Variants in GLRA3 observed in about 807,000 individuals in gnomAD.
GLRA3 encodes the protein glycine receptor alpha 3.
A neutral mutation model predicts 60.4 loss-of-function variants in GLRA3; 44 were observed. That is an observed-to-expected ratio of 0.73 (90% CI 0.57 to 0.94). The LOEUF (loss-of-function observed/expected upper bound fraction) is 0.94, where lower values mean the gene tolerates loss of function less well. Ranked by LOEUF, GLRA3 falls within the 40% of genes least tolerant of loss-of-function variation. GLRA3 has a pLI of 0.00. For synonymous variants in GLRA3, 223 were observed against 192.9 expected, an observed-to-expected ratio of 1.16 and a Z score of -1.29; for missense variants, 508 against 564.6, an observed-to-expected ratio of 0.90 and a Z score of 1.02.
intron 5 of GLRA3, among the ~76,000 whole-genome samples, chr4:174,692,313 G>A (rs1243149338): frequency 6.8e-6 from 1 of 146,470 alleles, no homozygotes; most frequent in Non-Finnish European, 1.5e-5. Context: ...CTGGGAGGGA[G>A]GTGGGGGGGT....
At chr4:174,705,093 T>C (rs1735465897) in intron 5 of GLRA3, among the ~76,000 whole-genome samples, 1 of 144,386 alleles carries the variant, frequency 6.9e-6, no homozygotes, top group Non-Finnish European at 1.5e-5. Context: ...TGTATATTGT[T>C]ATACTTTGAA....
chr4:174,684,652 A>T (rs1249889343), intron 5 of GLRA3, among the ~76,000 whole-genome samples: 1 of 152,210 alleles, frequency 6.6e-6, no homozygotes, highest in East Asian at 1.9e-4. Flanking sequence ...CTTGATGCAC[A>T]ATTACCATGG....
At chr4:174,754,251 C>A (rs1737600065) in intron 3 of GLRA3, among the ~76,000 whole-genome samples, 1 of 152,056 alleles carries the variant, frequency 6.6e-6, no homozygotes, top group East Asian at 1.9e-4. Context: ...GCATACTTAT[C>A]TTTTGCAAGC....
intron 5 of GLRA3, 75 bp from the exon 6 acceptor site, chr4:174,683,014 G>T: frequency 1.7e-6 from 2 of 1,195,460 alleles, no homozygotes; most frequent in Non-Finnish European, 2.5e-6. Context: ...TTACTTTATA[G>T]TCACATAGGA....
intron 3 of GLRA3, among the ~76,000 whole-genome samples, chr4:174,741,198 T>C (rs1166035703): frequency 6.6e-6 from 1 of 152,214 alleles, no homozygotes; most frequent in Non-Finnish European, 1.5e-5. Context: ...CCGTCAATTA[T>C]ATATGAGAGT....
chr4:174,769,126 A>G (rs1227638432), intron 2 of GLRA3, among the ~76,000 whole-genome samples: 1 of 152,002 alleles, frequency 6.6e-6, no homozygotes, highest in Non-Finnish European at 1.5e-5. Context: ...TTTAATCATC[A>G]ATTCTTCGGA....
intron 2 of GLRA3, among the ~76,000 whole-genome samples, chr4:174,771,050 G>T (rs1223171525): frequency 4.3e-5 from 6 of 140,420 alleles, no homozygotes; most frequent in Non-Finnish European, 9.1e-5. Context: ...CATGGACACA[G>T]GAAAGAGAAC....
rs939265695 is a variant in GLRA3, at chr4:174,639,342, A to G, written c.*4444T>C. The G allele has an allele frequency of 6.6e-6, 1 of 150,796 alleles. No homozygotes were observed. The highest frequency in any genetic ancestry group is 2.4e-5 in the African/African-American group (1 of 40,956). 9.3% of individuals were successfully genotyped at this position (150,796 alleles called of 1,614,324 possible). A position where few individuals can be genotyped will look rare whatever the true frequency, so the allele number is the denominator to read the frequency against. ...TTGACTGTCTTTGTATTTTTAATCT[A>G]AAGGAATTCATCTCATTACCAATAT... On this transcript the variant is annotated 3_prime_UTR_variant, in exon 10 of 10. Transcript: ENST00000274093.
chr4:174,793,306 T>C (rs1255870160), intron 1 of GLRA3, among the ~76,000 whole-genome samples: 2 of 152,056 alleles, frequency 1.3e-5, no homozygotes, highest in Non-Finnish European at 2.9e-5. Flanking sequence ...GCTCTTCCAT[T>C]GCTCTCTTTG....
At chr4:174,813,548 T>G (rs1740355915) in intron 1 of GLRA3, among the ~76,000 whole-genome samples, 8 of 152,220 alleles carry the variant, frequency 5.3e-5, no homozygotes, top group Admixed American at 5.2e-4. Context: ...CAGCCTACAC[T>G]GGTCTGTTTC....
rs1732628057 is a variant in GLRA3, at chr4:174,641,680, A to C, written c.*2106T>G. On this transcript the variant is annotated 3_prime_UTR_variant, in exon 10 of 10. Transcript: ENST00000274093. ...TTATAATATTCTCAAATATGGAAAGAAGTGATGTCTGTGAATTTCTTTTGG... is the reference window on the plus strand; with the variant it reads ...TTATAATATTCTCAAATATGGAAAGCAGTGATGTCTGTGAATTTCTTTTGG... 6.6e-6 allele frequency: 1 copy of C among 152,072 alleles called. No homozygotes were observed. The highest frequency in any genetic ancestry group is 2.1e-4 in the South Asian group (1 of 4,834). 9.4% of individuals were successfully genotyped at this position (152,072 alleles called of 1,614,324 possible). A position where few individuals can be genotyped will look rare whatever the true frequency, so the allele number is the denominator to read the frequency against.
chr4:174,789,092 A>T, intron 1 of GLRA3, 149 bp from the exon 2 acceptor site: 1 of 497,408 alleles, frequency 2.0e-6, no homozygotes, highest in Non-Finnish European at 3.5e-6. Context: ...TTATAATAAG[A>T]TAGACATTTA....
chr4:174,816,408 A>G (rs1180189467), intron 1 of GLRA3, among the ~76,000 whole-genome samples: 1 of 152,092 alleles, frequency 6.6e-6, no homozygotes, highest in Admixed American at 6.6e-5. Context: ...AATCTCACCT[A>G]TTTCCAGTTC....
chr4:174,745,488 T>C (rs2111181409), intron 3 of GLRA3, among the ~76,000 whole-genome samples: 1 of 152,330 alleles, frequency 6.6e-6, no homozygotes, highest in East Asian at 1.9e-4. Flanking sequence ...CATTTAAGTA[T>C]ACTTACTATG....
chr4:174,686,006 A>C (rs1734541656), intron 5 of GLRA3, among the ~76,000 whole-genome samples: 1 of 152,222 alleles, frequency 6.6e-6, no homozygotes, highest in East Asian at 1.9e-4. Flanking sequence ...TGGCTAATAC[A>C]ATTTATAGAC....
chr4:174,726,480 G>A (rs1736329067), intron 4 of GLRA3, among the ~76,000 whole-genome samples: 3 of 152,182 alleles, frequency 2.0e-5, no homozygotes, highest in African/African-American at 7.2e-5. Context: ...TTTCTGTCTT[G>A]CTAGGCTTCC....
In GLRA3 at chr4:174,788,894, T is replaced by C. The variant is rs1244038630; in HGVS notation, c.121A>G (p.Met41Val). The change falls in exon 2 of 10, where the codon ATG becomes GTG. Residue 41 changes from methionine (M) to valine (V), a missense_variant. Physicochemically the swap from Met to Val is conservative, Grantham distance 21 (BLOSUM62 1). This residue lies in a region of GLRA3 where 329 missense variants were observed against 349.3 expected (regional missense o/e 0.94). Transcript: ENST00000274093. ...TDSARSRSAP[M>V]SPSDFLDKLM... ...TTATCCAGAAAATCAGAAGGTGACATTGGAGCACTTCGAGATCTTGCACTG... is the reference window on the plus strand; with the variant it reads ...TTATCCAGAAAATCAGAAGGTGACACTGGAGCACTTCGAGATCTTGCACTG... 1.2e-6 allele frequency: 2 copies of C among 1,608,878 alleles called. No individual in the cohort carries two copies. Among genetic ancestry groups the C allele is most frequent in the South Asian group, 2.2e-5 (2 of 90,668 alleles).
intron 1 of GLRA3, among the ~76,000 whole-genome samples, chr4:174,805,976 A>G (rs1289081551): frequency 6.6e-6 from 1 of 152,134 alleles, no homozygotes; most frequent in Non-Finnish European, 1.5e-5. Context: ...GGAAGGGATC[A>G]TGTGGAGCCT....
chr4:174,698,175 G>C (rs1388470960), intron 5 of GLRA3, among the ~76,000 whole-genome samples: 2 of 151,814 alleles, frequency 1.3e-5, no homozygotes, highest in Non-Finnish European at 2.9e-5. Context: ...CTGGTCTTGG[G>C]TTTTTTTATT....
Sources: allele counts gnomAD v4.1 joint callset (sites outside exome capture counted in the v4.1 genomes callset), GRCh38; gene constraint gnomAD v4.1.1; regional missense constraint gnomAD v4.1.1; transcripts MANE v1.5; gene names NCBI Gene and HGNC (gene_info 2026-07-23, HGNC 2026-07-21).